Variants in WDR24 observed in about 807,000 individuals in gnomAD.
WDR24 encodes the protein WD repeat domain 24.
In WDR24, 32 loss-of-function variants were observed where a neutral mutation model predicts 66.7. The ratio of observed to expected loss-of-function variants is 0.48; its 90% CI spans 0.36 to 0.64. The LOEUF (loss-of-function observed/expected upper bound fraction) is 0.64, where lower values mean the gene tolerates loss of function less well. Among genes scored for constraint, WDR24 ranks in the 30% least tolerant of loss-of-function variants. The pLI, the probability that WDR24 is intolerant of heterozygous loss-of-function variation, is 0.00. For missense variants in WDR24, 978 were observed against 1,144.1 expected, an observed-to-expected ratio of 0.85 and a Z score of 2.09; for synonymous variants, 565 against 469.1, an observed-to-expected ratio of 1.20 and a Z score of -2.64.
In WDR24 at chr16:685,899, C is replaced by T. The variant is rs754450639; in HGVS notation, c.1543G>A (p.Asp515Asn). 2.7e-5 allele frequency: 43 copies of T among 1,613,198 alleles called. 2 individuals are homozygous for T. The South Asian group carries it at 3.0e-4, about 11-fold the overall frequency. ...TTGGTGATGAGTGTGGCCGAGGAGTCGAGCAGAACTGTGTCGCTCCGTGCA... is the reference window on the plus strand; with the variant it reads ...TTGGTGATGAGTGTGGCCGAGGAGTTGAGCAGAACTGTGTCGCTCCGTGCA... Reference protein sequence around the residue: ...GDARSDTVLLDSSATLITNED... With the variant: ...GDARSDTVLLNSSATLITNED... Residue 515 changes from aspartate (D) to asparagine (N), a missense_variant, in exon 5 of 9, where the codon GAC (aspartate) becomes AAC (asparagine). By Grantham distance (23) the Asp-to-Asn change is conservative. Transcript: ENST00000293883.
At chr16:687,533 C>T in intron 2 of WDR24, 29 bp downstream of exon 2, 6 of 1,606,806 alleles carry the variant, frequency 3.7e-6, no homozygotes, top group Non-Finnish European at 5.1e-6. Flanking sequence ...TTACTGTCAA[C>T]CTACTGCCCC....
In WDR24 at chr16:685,954, A is replaced by G. The variant is rs1216534358; in HGVS notation, c.1488T>C (p.Ser496=). The change falls in exon 5 of 9, where the codon AGT becomes AGC. Residue 496 remains serine, a synonymous_variant. Coordinates refer to ENST00000293883, the MANE Select transcript of WDR24 (RefSeq NM_032259.4). ...CTTTGCTGCGGTCCAGCCGCGTCTCACTGCCCAACCCTGGGGCCATATCCT... is the reference window on the plus strand; with the variant it reads ...CTTTGCTGCGGTCCAGCCGCGTCTCGCTGCCCAACCCTGGGGCCATATCCT... The part of the protein sequence containing the change: ...NLKDMAPGLG[S]ETRLDRSKGD... 3 of 1,612,872 alleles carry G rather than the reference A, an allele frequency of 1.9e-6. No homozygotes were observed. The African/African-American group carries it at 4.0e-5, about 22-fold the overall frequency.
intron 1 of WDR24, 35 bp downstream of exon 1, chr16:689,125 C>T (rs200838606): frequency 4.5e-5 from 72 of 1,603,028 alleles, no homozygotes; most frequent in Admixed American, 1.5e-4. Context: ...CCGGCAGAGA[C>T]GCCCACCTGC....
intron 2 of WDR24, 58 bp downstream of exon 2, chr16:687,504 G>T: frequency 6.3e-7 from 1 of 1,595,374 alleles, no homozygotes; most frequent in Non-Finnish European, 8.5e-7. Context: ...CTGTCTCATG[G>T]ATCTGAGGCA....
Position 690,173 on chromosome 16 carries a change from G to A in WDR24, c.-533C>T. ...AGACGCGGGAAGGGCCCAGAGGGAC[G>A]TCAAGGACCGAGCTACTTAAGGAGC... On this transcript the variant is annotated 5_prime_UTR_variant, in exon 1 of 9. It adds an upstream start codon to the 5' untranslated region. Coordinates refer to ENST00000293883, the MANE Select transcript of WDR24 (RefSeq NM_032259.4). The A allele has an allele frequency of 2.5e-6, 1 of 405,642 alleles. No homozygotes were observed. The highest frequency in any genetic ancestry group is 2.8e-5 in the Admixed American group (1 of 35,350). The allele number at this position is 405,642 out of a possible 1,614,324, so 25.1% of individuals were successfully genotyped here.
intron 3 of WDR24, 83 bp downstream of exon 3, chr16:686,661 G>A (rs2039911054): frequency 7.5e-6 from 11 of 1,472,910 alleles, no homozygotes; most frequent in African/African-American, 1.4e-5. Context: ...GGAGCTTGAG[G>A]TGGGGTGAGC....
At position 687,376 on chromosome 16, in the gene WDR24, C is replaced by T. The variant is rs1192842293; in HGVS notation, c.700G>A (p.Val234Ile). 5 of 1,595,642 alleles carry T rather than the reference C, an allele frequency of 3.1e-6. No individual in the cohort carries two copies. The East Asian group carries it at 9.0e-5, about 29-fold the overall frequency. The part of the protein sequence containing the change: ...ATGGRDKMVK[V>I]WDMTTHRAKE... ...GCACGGTGCGTGGTCATGTCCCAGACCTTCACCATCTTGTCGCGCCCTCCA... is the reference window on the plus strand; with the variant it reads ...GCACGGTGCGTGGTCATGTCCCAGATCTTCACCATCTTGTCGCGCCCTCCA... The change falls in exon 3 of 9, where the codon GTC (valine) becomes ATC (isoleucine). Residue 234 changes from valine to isoleucine, a missense_variant. Val to Ile is a conservative substitution (Grantham distance 29). Transcript: ENST00000293883.
intron 3 of WDR24, among the ~76,000 whole-genome samples, chr16:686,531 C>A (rs1489778277): frequency 1.5e-5 from 2 of 134,066 alleles, no homozygotes; most frequent in African/African-American, 6.0e-5. Flanking sequence ...CTCCCGAGAC[C>A]CCCGCCCCTC....
intron 3 of WDR24, among the ~76,000 whole-genome samples, chr16:686,485 G>A (rs2151516051): frequency 6.6e-6 from 1 of 152,260 alleles, no homozygotes; most frequent in Non-Finnish European, 1.5e-5. Context: ...AGCTCCAGAA[G>A]CAAGGGGGGA....
In WDR24 at chr16:685,915, G is replaced by T. The variant is rs773209556; in HGVS notation, c.1527C>A (p.Ser509Arg). ...CCGAGGAGTCGAGCAGAACTGTGTCGCTCCGTGCATCTCCTTTGCTGCGGT... is the reference window on the plus strand; with the variant it reads ...CCGAGGAGTCGAGCAGAACTGTGTCTCTCCGTGCATCTCCTTTGCTGCGGT... ...RLDRSKGDARSDTVLLDSSAT... is the reference protein window; with the variant it reads ...RLDRSKGDARRDTVLLDSSAT... The change falls in exon 5 of 9, where the codon AGC becomes AGA. Residue 509 changes from serine (S) to arginine (R), a missense_variant. Physicochemically the swap from Ser to Arg is moderately radical, Grantham distance 110. Transcript: ENST00000293883. 1.9e-6 allele frequency: 3 copies of T among 1,613,034 alleles called. No individual in the cohort carries two copies. The highest frequency in any genetic ancestry group is 2.5e-6 in the Non-Finnish European group (3 of 1,179,976).
In WDR24 at chr16:685,448, C is replaced by A. The variant is rs770305309; in HGVS notation, c.1828G>T (p.Val610Leu). ...SEADVASLAPVDSSFSLLSVS... is the reference protein window; with the variant it reads ...SEADVASLAPLDSSFSLLSVS... ...GACAGGAGCGAGAAGGAGGAGTCCA[C>A]GGGGGCCAGGGAGGCCACATCCGCC... is the stretch of plus-strand genomic sequence containing the variant. Residue 610 changes from valine to leucine, a missense_variant, in exon 7 of 9, where the codon GTG becomes TTG. Val to Leu is a conservative substitution (Grantham distance 32). Coordinates refer to ENST00000293883, the MANE Select transcript of WDR24 (RefSeq NM_032259.4). 1.2e-6 allele frequency: 2 copies of A among 1,607,864 alleles called. No homozygotes were observed. The highest frequency in any genetic ancestry group is 1.7e-6 in the Non-Finnish European group (2 of 1,176,034).
chr16:685,977 C>A lies in WDR24; in HGVS notation c.1465G>T (p.Asp489Tyr). ...TCACTGCCCAACCCTGGGGCCATAT[C>A]CTTCAGGTTGAAACTGGGGGCAGGA... is the stretch of plus-strand genomic sequence containing the variant. ...LPLMNSFNLKDMAPGLGSETR... is the reference protein window; with the variant it reads ...LPLMNSFNLKYMAPGLGSETR... The change falls in exon 5 of 9, where the codon GAT becomes TAT. Residue 489 changes from aspartate (D) to tyrosine (Y), a missense_variant. This residue lies in a region of WDR24 where 676 missense variants were observed against 617.5 expected (regional missense o/e 1.09). Transcript: ENST00000293883. 1 of 1,613,098 alleles carries A rather than the reference C, an allele frequency of 6.2e-7. No individual in the cohort carries two copies. Among genetic ancestry groups the A allele is most frequent in the Non-Finnish European group, 8.5e-7 (1 of 1,179,996 alleles).
chr16:688,972 G>A, intron 1 of WDR24, 188 bp downstream of exon 1: 1 of 875,816 alleles, frequency 1.1e-6, no homozygotes, highest in South Asian at 1.8e-5. Flanking sequence ...CCACTTGACT[G>A]CCCTGGCTCA....
intron 1 of WDR24, 139 bp downstream of exon 1, chr16:689,021 C>A: frequency 7.9e-6 from 11 of 1,395,138 alleles, no homozygotes; most frequent in Admixed American, 4.9e-5. Flanking sequence ...CCTCCCCTGC[C>A]GATTCCCTTT....
At chr16:686,319 G>A (rs2039906394) in intron 3 of WDR24, 133 bp from the exon 4 acceptor site, 10 of 1,026,198 alleles carry the variant, frequency 9.7e-6, no homozygotes, top group Non-Finnish European at 1.4e-5. Context: ...CCCACCCCAG[G>A]TAGGAAAGCT....
chr16:686,298 C>A, intron 3 of WDR24, 112 bp from the exon 4 acceptor site: 3 of 1,241,304 alleles, frequency 2.4e-6, no homozygotes, highest in Non-Finnish European at 3.3e-6. Context: ...CCTCAGTACC[C>A]AATGTCCAGG....
At position 690,268 on chromosome 16, in the gene WDR24, G is replaced by A. The variant is rs979839014; in HGVS notation, c.-628C>T. ...CCCGGAGTACAGGGTTCCTGGGAGC[G>A]GCGCAGTGGCGCGGGGGAGCGGACG... On this transcript the variant is annotated 5_prime_UTR_variant, in exon 1 of 9. Coordinates refer to ENST00000293883, the MANE Select transcript of WDR24 (RefSeq NM_032259.4). 2.3e-6 allele frequency: 1 copy of A among 429,762 alleles called. No homozygotes were observed. Among genetic ancestry groups the A allele is most frequent in the Non-Finnish European group, 4.7e-6 (1 of 213,568 alleles). 26.6% of individuals were successfully genotyped at this position (429,762 alleles called of 1,614,324 possible).
At position 685,910 on chromosome 16, in the gene WDR24, G is replaced by C. The variant is rs1257688107; in HGVS notation, c.1532C>G (p.Thr511Arg). The change falls in exon 5 of 9, where the codon ACA (threonine) becomes AGA (arginine). Residue 511 changes from threonine (T) to arginine (R), a missense_variant. By Grantham distance (71) the Thr-to-Arg change is moderately conservative (BLOSUM62 -1). Transcript: ENST00000293883. ...DRSKGDARSD[T>R]VLLDSSATLI... is the part of the protein sequence containing the mutation. ...TGTGGCCGAGGAGTCGAGCAGAACT[G>C]TGTCGCTCCGTGCATCTCCTTTGCT... 6.2e-6 allele frequency: 10 copies of C among 1,613,130 alleles called. No individual in the cohort carries two copies. Among genetic ancestry groups the C allele is most frequent in the Non-Finnish European group, 8.5e-6 (10 of 1,179,980 alleles).
chr16:687,862 A>G, intron 1 of WDR24, 123 bp from the exon 2 acceptor site: 2 of 1,308,754 alleles, frequency 1.5e-6, no homozygotes, highest in Non-Finnish European at 2.1e-6. Flanking sequence ...CAGAGGGTAG[A>G]GTGGACATCC....
Sources: gnomAD v4.1 joint callset for allele counts (sites outside exome capture counted in the v4.1 genomes callset) on GRCh38, gnomAD v4.1.1 for gene constraint, gnomAD v4.1.1 regional missense constraint, MANE v1.5 for transcripts, NCBI Gene and HGNC (gene_info 2026-07-23, HGNC 2026-07-21) for gene names.